The following INSC variants were observed in gnomAD, a reference collection of about 807,000 sequenced individuals.
INSC encodes the protein INSC spindle orientation adaptor protein.
INSC carries 67 observed loss-of-function variants against 58.6 expected under a neutral mutation model. That is an observed-to-expected ratio of 1.14 (90% CI 0.94 to 1.40). The LOEUF is 1.40. Ranked by LOEUF, INSC falls within the 40% of genes most tolerant of loss-of-function variation. INSC has a pLI of 0.00. For missense variants in INSC, 714 were observed against 692.0 expected (o/e 1.03, Z -0.36); for synonymous variants, 262 against 276.1 (o/e 0.95, Z 0.51).
At chr11:15,251,867 A>G (rs945563347), downstream of INSC, among the ~76,000 whole-genome samples, 7 of 152,222 alleles carry the variant, frequency 4.6e-5, no homozygotes, top group African/African-American at 1.7e-4. Context: ...ATGGCCCAGC[A>G]ATTCCACTCA....
chr11:15,178,698 A>G (rs1361200923), intron 5 of INSC, among the ~76,000 whole-genome samples: 1 of 152,116 alleles, frequency 6.6e-6, no homozygotes, highest in East Asian at 1.9e-4. Context: ...GTGGGGAGAA[A>G]CTTATCCAAG....
chr11:15,243,489 C>CTGTT (rs964600010), intron 12 of INSC, among the ~76,000 whole-genome samples: 12 of 152,244 alleles, frequency 7.9e-5, no homozygotes, highest in African/African-American at 2.9e-4. Context: ...GGATGACTAG[C>CTGTT]TGTTTAACCC....
At chr11:15,154,440 G>A (rs1188473890) in intron 2 of INSC, among the ~76,000 whole-genome samples, 1 of 152,170 alleles carries the variant, frequency 6.6e-6, no homozygotes, top group African/African-American at 2.4e-5. Context: ...ATTTAAATAC[G>A]CCCTTTGAGT....
chr11:15,200,886 C>G lies in INSC; in HGVS notation c.756C>G (p.Pro252=). ...CRQDSFRCLY[P]QALRTLASIC... is the part of the protein sequence containing the mutation. ...AGGACAGTTTCCGGTGCTTGTACCC[C>G]CAGGCGCTCCGCACGCTGGCCTCCA... Residue 252 remains proline, a synonymous_variant, in exon 7 of 13, where the codon CCC becomes CCG. Coordinates refer to ENST00000379556, the MANE Select transcript of INSC (RefSeq NM_001042536.3). 6.2e-7 allele frequency: 1 copy of G among 1,613,856 alleles called. No individual in the cohort carries two copies. The highest frequency in any genetic ancestry group is 8.5e-7 in the Non-Finnish European group (1 of 1,179,998).
chr11:15,252,644 T>C, the INSC span, among the ~76,000 whole-genome samples: 1 of 152,170 alleles, frequency 6.6e-6, no homozygotes, highest in Non-Finnish European at 1.5e-5. Context: ...TTTTATGCGC[T>C]AGTCTTAGAA....
chr11:15,246,939 C>T lies in INSC; in HGVS notation c.*899C>T, dbSNP rs997125335. On this transcript the variant is annotated 3_prime_UTR_variant, in exon 13 of 13. Transcript: ENST00000379556. ...GTGACCTTGCGTTGGTAGCCATGAG[C>T]TACTTCATGAGCCCTCATGTTGAAA... 1.3e-5 allele frequency: 2 copies of T among 152,240 alleles called. No homozygotes were observed. Among genetic ancestry groups the T allele is most frequent in the South Asian group, 2.1e-4 (1 of 4,818 alleles). The allele number at this position is 152,240 out of a possible 1,614,324, so 9.4% of individuals were successfully genotyped here.
chr11:15,242,537 C>T (rs1185768392), intron 12 of INSC, among the ~76,000 whole-genome samples: 4 of 152,118 alleles, frequency 2.6e-5, no homozygotes, highest in African/African-American at 9.7e-5. Flanking sequence ...TCTGTTCGGC[C>T]CTTCTCAGTC....
At chr11:15,217,128 C>T (rs1179327096) in intron 7 of INSC, among the ~76,000 whole-genome samples, 11 of 152,202 alleles carry the variant, frequency 7.2e-5, no homozygotes, top group East Asian at 5.8e-4. Context: ...TTAATTGGCT[C>T]ACAGTTCCAC....
intron 6 of INSC, among the ~76,000 whole-genome samples, chr11:15,196,225 T>C (rs1850364007): frequency 6.6e-6 from 1 of 152,236 alleles, no homozygotes; most frequent in African/African-American, 2.4e-5. Flanking sequence ...ATAATTACTA[T>C]TTATTGGTGG....
intron 1 of INSC, among the ~76,000 whole-genome samples, chr11:15,117,030 C>A (rs180954570): frequency 6.7e-6 from 1 of 149,462 alleles, no homozygotes; most frequent in African/African-American, 2.5e-5. Context: ...GCAACCTCTG[C>A]CCCCCGGATT....
At chr11:15,236,109 CAT>C (rs1056586510) in intron 10 of INSC, among the ~76,000 whole-genome samples, 6 of 149,546 alleles carry the variant, frequency 4.0e-5, no homozygotes, top group African/African-American at 1.5e-4. Flanking sequence ...CTTGCCTGAG[CAT>C]ATATGTGTGT....
At chr11:15,245,878 C>A in intron 12 of INSC, 34 bp from the exon 13 acceptor site, 1 of 1,605,708 alleles carries the variant, frequency 6.2e-7, no homozygotes, top group South Asian at 1.1e-5. Context: ...ATGGCCCAGT[C>A]TGACACGTGT....
intron 6 of INSC, among the ~76,000 whole-genome samples, chr11:15,200,189 AC>A (rs1850527354): frequency 2.0e-5 from 3 of 150,404 alleles, no homozygotes; most frequent in Admixed American, 2.0e-4. Context: ...ACACACACAC[AC>A]AAACAGGAGT....
intron 6 of INSC, among the ~76,000 whole-genome samples, chr11:15,192,669 C>A (rs1850222912): frequency 6.6e-6 from 1 of 152,170 alleles, no homozygotes; most frequent in African/African-American, 2.4e-5. Flanking sequence ...CGACCTTCAA[C>A]TTTGGTAGGG....
At chr11:15,172,471 G>A (rs759384767) in intron 2 of INSC, among the ~76,000 whole-genome samples, 2 of 152,172 alleles carry the variant, frequency 1.3e-5, no homozygotes, top group Non-Finnish European at 2.9e-5. Context: ...AGGCACAAGA[G>A]ACTGTTCCTC....
chr11:15,202,649 G>A (rs55987651), intron 7 of INSC, among the ~76,000 whole-genome samples: 3,447 of 152,210 alleles, frequency 0.023, 70 homozygotes, highest in Non-Finnish European at 0.037. Context: ...CACCTTTCCT[G>A]TCTGGTTGGC....
At chr11:15,245,131 A>C (rs1055662171) in intron 12 of INSC, among the ~76,000 whole-genome samples, 1 of 152,170 alleles carries the variant, frequency 6.6e-6, no homozygotes, top group Admixed American at 6.5e-5. Context: ...AATACCTAAA[A>C]GCTAGTTATG....
chr11:15,265,747 T>C, the INSC span, among the ~76,000 whole-genome samples: 3 of 151,802 alleles, frequency 2.0e-5, no homozygotes, highest in East Asian at 5.8e-4. Flanking sequence ...CTCTATTATA[T>C]GTTAATTTTA....
chr11:15,267,297 G>C, the INSC span, among the ~76,000 whole-genome samples: 3 of 151,894 alleles, frequency 2.0e-5, no homozygotes, highest in African/African-American at 7.3e-5. Context: ...TCTGTCTTAA[G>C]CAATTAGGTT....
Sources: gnomAD v4.1 joint callset for allele counts (sites outside exome capture counted in the v4.1 genomes callset) on GRCh38, gnomAD v4.1.1 for gene constraint, MANE v1.5 for transcripts, NCBI Gene and HGNC (gene_info 2026-07-23, HGNC 2026-07-21) for gene names.